DEUP1: variants seen among roughly 807,000 people sequenced by gnomAD.
The protein encoded by DEUP1 is coiled-coil domain containing 67.
A neutral mutation model predicts 87.4 loss-of-function variants in DEUP1; 82 were observed. The ratio of observed to expected loss-of-function variants is 0.94; its 90% CI spans 0.78 to 1.13. The LOEUF is 1.13. DEUP1 is among the 50% of genes most tolerant of loss of function. The pLI is 0.00. For missense variants in DEUP1, 663 were observed against 681.5 expected (o/e 0.97, Z 0.30); for synonymous variants, 214 against 222.7 (o/e 0.96, Z 0.35).
At chr11:93,427,248 A>T (rs1416723080) in intron 13 of DEUP1, among the ~76,000 whole-genome samples, 1 of 151,118 alleles carries the variant, frequency 6.6e-6, no homozygotes, top group Non-Finnish European at 1.5e-5. Context: ...CAGTAACCAA[A>T]ACAGCATGGT....
At chr11:93,394,793 GGT>G in intron 10 of DEUP1, 137 bp downstream of exon 10, 1 of 654,602 alleles carries the variant, frequency 1.5e-6, no homozygotes, top group South Asian at 2.3e-5. Flanking sequence ...AATGCTTTGT[GGT>G]GTTACATAAA....
intron 2 of DEUP1, among the ~76,000 whole-genome samples, chr11:93,342,968 G>A (rs1372557600): frequency 1.3e-5 from 2 of 152,252 alleles, no homozygotes; most frequent in Middle Eastern, 3.4e-3. Flanking sequence ...GCAGGTTTGT[G>A]GTGCAGGGAG....
intron 7 of DEUP1, among the ~76,000 whole-genome samples, chr11:93,373,213 T>C (rs1945824198): frequency 6.6e-6 from 1 of 152,076 alleles, no homozygotes; most frequent in African/African-American, 2.4e-5. Flanking sequence ...CTTTGTCCCT[T>C]CTTCTTTTGG....
intron 11 of DEUP1, among the ~76,000 whole-genome samples, chr11:93,407,919 G>T (rs989756277): frequency 2.0e-5 from 3 of 151,774 alleles, no homozygotes; most frequent in Admixed American, 2.0e-4. Context: ...GATACAGAGA[G>T]CAACAATGCA....
intron 13 of DEUP1, among the ~76,000 whole-genome samples, chr11:93,417,890 A>C (rs1947703357): frequency 6.6e-6 from 1 of 152,080 alleles, no homozygotes; most frequent in Non-Finnish European, 1.5e-5. Context: ...ATCTACAACT[A>C]TCTGATCTTT....
intron 13 of DEUP1, among the ~76,000 whole-genome samples, chr11:93,415,835 C>T (rs1947603291): frequency 6.6e-6 from 1 of 151,920 alleles, no homozygotes; most frequent in South Asian, 2.1e-4. Flanking sequence ...TTTCTCTATA[C>T]TAATCTATGG....
chr11:93,408,435 G>T lies in DEUP1; in HGVS notation c.1523+8G>T. On this transcript the variant is annotated splice_region_variant and intron_variant, in intron 12 of 13. Coordinates refer to ENST00000298050, the MANE Select transcript of DEUP1 (RefSeq NM_181645.4). ...GGAACAAAATGAAGAGAGGTATGCT[G>T]GCTCCATTATATAAGGGCATAAGTT... is the stretch of plus-strand genomic sequence containing the variant. 1 of 1,495,656 alleles carries T rather than the reference G, an allele frequency of 6.7e-7. No individual in the cohort carries two copies. The highest frequency in any genetic ancestry group is 9.0e-7 in the Non-Finnish European group (1 of 1,109,478). 92.6% of individuals were successfully genotyped at this position (1,495,656 alleles called of 1,614,324 possible). A position where few individuals can be genotyped will look rare whatever the true frequency, so the allele number is the denominator to read the frequency against.
intron 7 of DEUP1, among the ~76,000 whole-genome samples, chr11:93,377,036 A>G (rs1253131517): frequency 6.6e-6 from 1 of 152,296 alleles, no homozygotes; most frequent in East Asian, 1.9e-4. Context: ...TTTGTAGCCT[A>G]TCTTATGTTC....
chr11:93,332,153 T>C, intron 1 of DEUP1, 63 bp from the exon 2 acceptor site: 1 of 1,126,952 alleles, frequency 8.9e-7, no homozygotes. Flanking sequence ...AGCAAAATTT[T>C]CATGTTTTAT....
At chr11:93,378,948 T>G (rs977256) in intron 7 of DEUP1, among the ~76,000 whole-genome samples, 36,872 of 148,308 alleles carry the variant, frequency 0.25, 4,805 homozygotes, top group South Asian at 0.38. Flanking sequence ...TCCCTGCTTT[T>G]TCTCTTCTTT....
chr11:93,374,179 A>G (rs888561098), intron 7 of DEUP1, among the ~76,000 whole-genome samples: 2 of 152,044 alleles, frequency 1.3e-5, no homozygotes, highest in African/African-American at 4.8e-5. Context: ...AATCCTGGAT[A>G]TTAGTCCTTT....
intron 13 of DEUP1, among the ~76,000 whole-genome samples, chr11:93,431,952 G>A (rs1948119457): frequency 6.6e-6 from 1 of 152,196 alleles, no homozygotes; most frequent in Admixed American, 6.5e-5. Flanking sequence ...AGTTTAAAAT[G>A]TTTACTAGAC....
At chr11:93,418,212 A>G (rs1327881128) in intron 13 of DEUP1, among the ~76,000 whole-genome samples, 1 of 152,154 alleles carries the variant, frequency 6.6e-6, no homozygotes, top group African/African-American at 2.4e-5. Context: ...GCTTCTGCAC[A>G]GCAAAAGAAA....
intron 13 of DEUP1, among the ~76,000 whole-genome samples, chr11:93,427,913 A>T (rs1177560292): frequency 6.8e-6 from 1 of 147,166 alleles, no homozygotes; most frequent in Non-Finnish European, 1.5e-5. Flanking sequence ...GCAAATCAAA[A>T]CCACAATGAG....
intron 4 of DEUP1, among the ~76,000 whole-genome samples, chr11:93,362,420 C>T (rs75448770): frequency 1.5e-3 from 223 of 151,646 alleles, no homozygotes; most frequent in African/African-American, 5.1e-3. Context: ...GATATTTCTC[C>T]AAAGCAGATA....
intron 11 of DEUP1, among the ~76,000 whole-genome samples, chr11:93,406,563 A>G (rs537028554): frequency 6.6e-6 from 1 of 152,074 alleles, no homozygotes; most frequent in East Asian, 1.9e-4. Context: ...ATGAAAAGAA[A>G]AAATATAAAA....
intron 13 of DEUP1, 24 bp downstream of exon 13, chr11:93,415,138 T>A: frequency 1.4e-6 from 2 of 1,434,190 alleles, no homozygotes; most frequent in South Asian, 1.2e-5. Flanking sequence ...TGTGGGCTTT[T>A]TTTTTCTTTA....
intron 2 of DEUP1, among the ~76,000 whole-genome samples, chr11:93,353,489 G>A (rs1485084904): frequency 1.3e-5 from 2 of 152,186 alleles, no homozygotes; most frequent in African/African-American, 4.8e-5. Flanking sequence ...GCTCCAATAG[G>A]CAGTGCCCCA....
chr11:93,437,624 G>GA lies in DEUP1; in HGVS notation c.1725dup (p.Leu576ThrfsTer7), dbSNP rs575781197. 2 of 1,612,384 alleles carry GA rather than the reference G, an allele frequency of 1.2e-6. No homozygotes were observed. The highest frequency in any genetic ancestry group is 1.7e-6 in the Non-Finnish European group (2 of 1,178,636). On this transcript the variant is annotated frameshift_variant, in exon 14 of 14. Transcript: ENST00000298050. LOFTEE classifies it high-confidence loss of function. ...AGAAGAGAAACGAGCAAAAGAACTT[G>GA]AAAAACTTCTAAATACACATATTGA... is the stretch of plus-strand genomic sequence containing the variant.
Sources: allele counts gnomAD v4.1 joint callset (sites outside exome capture counted in the v4.1 genomes callset), GRCh38; gene constraint gnomAD v4.1.1; transcripts MANE v1.5; gene names NCBI Gene and HGNC (gene_info 2026-07-23, HGNC 2026-07-21).